The following MALRD1 variants were observed in gnomAD, a reference collection of about 807,000 sequenced individuals.
The protein encoded by MALRD1 is MAM and LDL receptor class A domain containing 1.
Under a neutral mutation model 242.1 loss-of-function variants are expected in MALRD1, and 247 were observed. The ratio of observed to expected loss-of-function variants is 1.02; its 90% confidence interval spans 0.92 to 1.13. The LOEUF is 1.13. MALRD1 is among the 50% of genes most tolerant of loss of function. The probability of loss-of-function intolerance (pLI) is 0.00; values close to 1 mark genes in which losing one functional copy is unlikely to be tolerated. For synonymous variants in MALRD1, 995 were observed against 866.6 expected (o/e 1.15, Z -2.60); for missense variants, 2,989 against 2,533.1 (o/e 1.18, Z -3.86).
chr10:19,151,381 G>C (rs1306983435), intron 11 of MALRD1, among the ~76,000 whole-genome samples: 1 of 152,068 alleles, frequency 6.6e-6, no homozygotes, highest in African/African-American at 2.4e-5. Context: ...TATTGACCTT[G>C]TATCCAGTGG....
chr10:19,724,406 A>ATGTG (rs1834917694), intron 38 of MALRD1, among the ~76,000 whole-genome samples: 1 of 152,254 alleles, frequency 6.6e-6, no homozygotes, highest in South Asian at 2.1e-4. Flanking sequence ...CAAACTTGCA[A>ATGTG]TGTGTGTAAA....
chr10:19,291,939 A>G (rs117473823), intron 21 of MALRD1, among the ~76,000 whole-genome samples: 6,864 of 151,890 alleles, frequency 0.045, 212 homozygotes, highest in South Asian at 0.073. Flanking sequence ...GCAAAAAATT[A>G]GTCATACGTG....
chr10:19,636,465 A>G lies in MALRD1; in HGVS notation c.6137+20542A>G, dbSNP rs112787530. 4.6e-5 allele frequency among the ~76,000 whole-genome samples: 7 copies of G among 152,298 alleles called. No individual in the cohort carries two copies. The South Asian group carries it at 8.3e-4, about 18-fold the overall frequency. ...GACAGAACAAAAGAAGTATAGACCA[A>G]TCTTTCTTATGAATAAAAGTGGATT... On this transcript the variant is annotated intron_variant, in intron 36 of 39. Transcript: ENST00000454679.
chr10:19,614,660 G>A (rs990348737), intron 35 of MALRD1, among the ~76,000 whole-genome samples: 12 of 152,012 alleles, frequency 7.9e-5, no homozygotes, highest in African/African-American at 2.6e-4. Context: ...CCACTCTCAC[G>A]GTAGTTACTC....
At chr10:19,260,770 T>C (rs1315426178) in intron 19 of MALRD1, among the ~76,000 whole-genome samples, 1 of 152,046 alleles carries the variant, frequency 6.6e-6, no homozygotes, top group Non-Finnish European at 1.5e-5. Context: ...TGGAGGAAAT[T>C]GAAAAGGAGA....
chr10:19,376,485 A>G (rs1845601175), intron 26 of MALRD1, among the ~76,000 whole-genome samples: 1 of 150,878 alleles, frequency 6.6e-6, no homozygotes, highest in Non-Finnish European at 1.5e-5. Context: ...GATACTGTGT[A>G]CCATTTGAAC....
At position 19,222,042 on chromosome 10, in the gene MALRD1, C is replaced by T. The variant is rs184603916; in HGVS notation, c.2991+12362C>T. 1.8e-3 allele frequency among the ~76,000 whole-genome samples: 268 copies of T among 152,084 alleles called. 4 individuals are homozygous for T. Among genetic ancestry groups the T allele is most frequent in the Admixed American group, 3.8e-3 (58 of 15,270 alleles). On this transcript the variant is annotated intron_variant, in intron 18 of 39. Transcript: ENST00000454679. Reference sequence around the variant, plus strand: ...GTTTGTCTCTGAATCCTTCTCAGTCCGTGGCCAGTTTTGAAACTTGGTGTA... The same window carrying T: ...GTTTGTCTCTGAATCCTTCTCAGTCTGTGGCCAGTTTTGAAACTTGGTGTA...
chr10:19,068,992 G>A (rs1348556388), intron 2 of MALRD1, among the ~76,000 whole-genome samples: 2 of 152,136 alleles, frequency 1.3e-5, no homozygotes, highest in East Asian at 3.9e-4. Flanking sequence ...AGATAAAATA[G>A]TAGTACTACA....
At chr10:19,650,635 T>C (rs1164605924) in intron 36 of MALRD1, among the ~76,000 whole-genome samples, 1 of 152,174 alleles carries the variant, frequency 6.6e-6, no homozygotes, top group Non-Finnish European at 1.5e-5. Context: ...TATATTGTTG[T>C]GAATTTATTA....
chr10:19,380,714 C>A (rs750436677), intron 26 of MALRD1, among the ~76,000 whole-genome samples: 3 of 152,118 alleles, frequency 2.0e-5, no homozygotes, highest in Admixed American at 6.5e-5. Flanking sequence ...CATTTCCTCT[C>A]TATCCATTTA....
At chr10:19,715,258 A>T (rs1030827693) in intron 38 of MALRD1, among the ~76,000 whole-genome samples, 1 of 151,998 alleles carries the variant, frequency 6.6e-6, no homozygotes, top group Non-Finnish European at 1.5e-5. Context: ...AAGGTGGGTT[A>T]TACCTATCAA....
At chr10:19,605,480 T>C (rs1838567503) in intron 34 of MALRD1, among the ~76,000 whole-genome samples, 1 of 136,004 alleles carries the variant, frequency 7.4e-6, no homozygotes, top group East Asian at 2.1e-4. Context: ...GCTTTGTTTT[T>C]CTTTCTTTTT....
chr10:19,632,041 T>A (rs1419838559), intron 36 of MALRD1, among the ~76,000 whole-genome samples: 1 of 152,114 alleles, frequency 6.6e-6, no homozygotes, highest in East Asian at 1.9e-4. Context: ...ATGGCCCAAA[T>A]AACAAAATTT....
intron 36 of MALRD1, among the ~76,000 whole-genome samples, chr10:19,641,985 A>G (rs1050880459): frequency 3.3e-5 from 5 of 152,162 alleles, no homozygotes; most frequent in Admixed American, 6.5e-5. Flanking sequence ...AAAAAGATTA[A>G]TGCATAATCT....
intron 12 of MALRD1, among the ~76,000 whole-genome samples, chr10:19,160,486 T>G (rs1328987067): frequency 5.8e-4 from 28 of 48,396 alleles, no homozygotes; most frequent in Non-Finnish European, 1.1e-3. Flanking sequence ...TAAAATGAGT[T>G]AGGGAGGATT....
intron 18 of MALRD1, among the ~76,000 whole-genome samples, chr10:19,238,933 TA>T (rs1838628811): frequency 7.9e-5 from 12 of 152,026 alleles, no homozygotes; most frequent in Admixed American, 7.2e-4. Context: ...GGTGAACTGG[TA>T]TCTTATTGTG....
intron 28 of MALRD1, among the ~76,000 whole-genome samples, chr10:19,402,499 CT>C (rs367969121): frequency 0.012 from 1,832 of 152,236 alleles, 41 homozygotes; most frequent in African/African-American, 0.042. Flanking sequence ...TTGCTCCTCA[CT>C]TACCTTCAGC....
intron 29 of MALRD1, among the ~76,000 whole-genome samples, chr10:19,476,144 C>G (rs10764034): frequency 0.41 from 61,728 of 151,562 alleles, 12,737 homozygotes; most frequent in African/African-American, 0.5. Context: ...ATTGTGGAAG[C>G]CATCCTTGGG....
At chr10:19,299,527 A>G (rs1841850000) in intron 21 of MALRD1, among the ~76,000 whole-genome samples, 1 of 151,998 alleles carries the variant, frequency 6.6e-6, no homozygotes, top group Non-Finnish European at 1.5e-5. Flanking sequence ...TTCATAAAAC[A>G]AATTCTTAGA....
Sources: gnomAD v4.1 joint callset for allele counts (sites outside exome capture counted in the v4.1 genomes callset) on GRCh38, gnomAD v4.1.1 for gene constraint, MANE v1.5 for transcripts, NCBI Gene and HGNC (gene_info 2026-07-23, HGNC 2026-07-21) for gene names.